AGBL4: variants seen among roughly 807,000 people sequenced by gnomAD.
The protein encoded by AGBL4 is AGBL carboxypeptidase 4, also known as cytosolic carboxypeptidase 6.
A neutral mutation model predicts 66.4 loss-of-function variants in AGBL4; 58 were observed. The observed-to-expected ratio is 0.87, with a 90% CI of 0.71 to 1.09. The LOEUF (loss-of-function observed/expected upper bound fraction) is 1.09, where lower values mean the gene tolerates loss of function less well. Ranked by LOEUF, AGBL4 falls within the 50% of genes least tolerant of loss-of-function variation. AGBL4 has a pLI of 0.00. For synonymous variants in AGBL4, 234 were observed against 222.9 expected (o/e 1.05, Z -0.44); for missense variants, 579 against 631.0 (o/e 0.92, Z 0.88).
intron 3 of AGBL4, among the ~76,000 whole-genome samples, chr1:49,650,946 C>T (rs1449297128): frequency 6.6e-6 from 1 of 152,114 alleles, no homozygotes; most frequent in Non-Finnish European, 1.5e-5. Context: ...GGTAGCTGCA[C>T]CCCACTGAAA....
intron 3 of AGBL4, among the ~76,000 whole-genome samples, chr1:49,525,664 C>T (rs1650600288): frequency 2.0e-5 from 3 of 152,014 alleles, no homozygotes. Flanking sequence ...AAGAAGCACC[C>T]TGCTCACCAG....
intron 1 of AGBL4, among the ~76,000 whole-genome samples, chr1:49,960,995 A>T (rs2148343425): frequency 6.6e-6 from 1 of 152,216 alleles, no homozygotes; most frequent in Admixed American, 6.6e-5. Context: ...GGTAGGTACC[A>T]AAATTGAAAA....
intron 2 of AGBL4, among the ~76,000 whole-genome samples, chr1:49,823,778 ATGTGTGTGTG>A (rs10528873): frequency 2.0e-5 from 3 of 147,478 alleles, no homozygotes; most frequent in African/African-American, 5.0e-5. Context: ...AGGCTGCATA[ATGTGTGTGTG>A]TGTGTGTGTG....
chr1:49,127,533 GCTTC>G (rs1645790953), intron 4 of AGBL4, among the ~76,000 whole-genome samples: 27 of 152,074 alleles, frequency 1.8e-4, no homozygotes, highest in Admixed American at 1.8e-3. Context: ...CAGAAAAAGA[GCTTC>G]AGAAATATGC....
rs1353106565 is a variant in AGBL4 at position 49,948,212 on chromosome 1, A to G, written c.34+75551T>C. ...TAAATATATATAAATATAAATATAT[A>G]AATATATATAAATATATATAAATAT... On this transcript the variant is annotated intron_variant, in intron 1 of 13. Transcript: ENST00000371839. Among the ~76,000 whole-genome samples, 74 of 65,374 alleles carry G rather than the reference A, an allele frequency of 1.1e-3. 1 individual carries two copies. The highest frequency in any genetic ancestry group is 3.5e-4 in the Non-Finnish European group (12 of 34,204). 42.9% of individuals were successfully genotyped at this position (65,374 alleles called of 152,430 possible).
At chr1:48,664,968 T>G (rs1646163028) in intron 6 of AGBL4, among the ~76,000 whole-genome samples, 1 of 152,232 alleles carries the variant, frequency 6.6e-6, no homozygotes, top group African/African-American at 2.4e-5. Context: ...GATTTCTCCT[T>G]CTGAAATGCT....
intron 5 of AGBL4, among the ~76,000 whole-genome samples, chr1:49,020,597 G>A (rs1180316825): frequency 1.3e-5 from 2 of 152,162 alleles, no homozygotes; most frequent in Middle Eastern, 3.2e-3. Context: ...ATGGCAGGGG[G>A]TGTCCTGGAG....
At chr1:49,681,828 C>G (rs1386776838) in intron 3 of AGBL4, among the ~76,000 whole-genome samples, 1 of 152,086 alleles carries the variant, frequency 6.6e-6, no homozygotes, top group African/African-American at 2.4e-5. Context: ...ATTATAAGTA[C>G]TTTTGTATTG....
intron 11 of AGBL4, among the ~76,000 whole-genome samples, chr1:48,582,480 C>G (rs1156999479): frequency 6.6e-6 from 1 of 152,196 alleles, no homozygotes; most frequent in Non-Finnish European, 1.5e-5. Flanking sequence ...ACAAGACTTG[C>G]TGGAGGCAAC....
intron 3 of AGBL4, among the ~76,000 whole-genome samples, chr1:49,280,261 C>G (rs1217318097): frequency 6.6e-6 from 1 of 152,148 alleles, no homozygotes; most frequent in Admixed American, 6.5e-5. Context: ...TTTGAAAAAC[C>G]CCAGCCCCCA....
intron 4 of AGBL4, among the ~76,000 whole-genome samples, chr1:49,240,630 C>A (rs1651155553): frequency 6.7e-6 from 1 of 149,068 alleles, no homozygotes; most frequent in African/African-American, 2.5e-5. Flanking sequence ...TCTACCTGGC[C>A]TTTAAATGTA....
chr1:49,155,054 T>C (rs1646404502), intron 4 of AGBL4, among the ~76,000 whole-genome samples: 1 of 152,204 alleles, frequency 6.6e-6, no homozygotes. Context: ...TTCACAGATA[T>C]TTTTCTTAGG....
chr1:49,388,121 C>T (rs1000546253), intron 3 of AGBL4, among the ~76,000 whole-genome samples: 1 of 152,092 alleles, frequency 6.6e-6, no homozygotes, highest in Non-Finnish European at 1.5e-5. Flanking sequence ...ATTTCTATTA[C>T]CATACTTCAA....
intron 6 of AGBL4, among the ~76,000 whole-genome samples, chr1:48,783,640 C>G (rs17104860): frequency 0.14 from 20,743 of 152,104 alleles, 2,357 homozygotes; most frequent in African/African-American, 0.3. Flanking sequence ...TGTTGTGAGA[C>G]GTGGGCCAGG....
intron 3 of AGBL4, among the ~76,000 whole-genome samples, chr1:49,475,834 T>A (rs1201557676): frequency 6.6e-6 from 1 of 152,192 alleles, no homozygotes; most frequent in Non-Finnish European, 1.5e-5. Context: ...TTTTTTAATG[T>A]AGCAAGCAGT....
At chr1:49,375,837 C>T (rs942728828) in intron 3 of AGBL4, among the ~76,000 whole-genome samples, 1 of 152,094 alleles carries the variant, frequency 6.6e-6, no homozygotes, top group African/African-American at 2.4e-5. Context: ...GGCTATTTCA[C>T]GCAAGGCCTT....
intron 2 of AGBL4, among the ~76,000 whole-genome samples, chr1:49,786,017 A>C (rs1644446078): frequency 1.3e-5 from 2 of 151,934 alleles, no homozygotes; most frequent in Non-Finnish European, 2.9e-5. Flanking sequence ...ATATGAAAGC[A>C]GAACATTACC....
intron 3 of AGBL4, among the ~76,000 whole-genome samples, chr1:49,354,820 C>T (rs1643985761): frequency 6.6e-6 from 1 of 152,108 alleles, no homozygotes; most frequent in Non-Finnish European, 1.5e-5. Flanking sequence ...ATGAACTATA[C>T]AAGCATTTAA....
chr1:49,772,147 T>A lies in AGBL4; in HGVS notation c.158-74710A>T, dbSNP rs886346289. On this transcript the variant is annotated intron_variant, in intron 2 of 13. Transcript: ENST00000371839. ...GTTCTACTTCTTTGTGTATCTACCA[T>A]AAATTCTTTTTTGTGGTTACCACGG... 7.2e-5 allele frequency among the ~76,000 whole-genome samples: 11 copies of A among 152,262 alleles called. No individual in the cohort carries two copies. In the East Asian group the frequency reaches 1.5e-3, roughly 21 times the overall value.
Sources: allele counts gnomAD v4.1 joint callset (sites outside exome capture counted in the v4.1 genomes callset), GRCh38; gene constraint gnomAD v4.1.1; transcripts MANE v1.5; gene names NCBI Gene and HGNC (gene_info 2026-07-23, HGNC 2026-07-21).